Variants in TICRR observed in about 807,000 individuals in gnomAD.
The protein encoded by TICRR is treslin.
TICRR carries 132 observed loss-of-function variants against 178.1 expected under a neutral mutation model. The observed-to-expected ratio is 0.74, with a 90% CI of 0.64 to 0.86. The LOEUF (loss-of-function observed/expected upper bound fraction) is 0.86, where lower values mean the gene tolerates loss of function less well. Ranked by LOEUF, TICRR falls within the 40% of genes least tolerant of loss-of-function variation. The pLI is 0.00. For synonymous variants in TICRR, 991 were observed against 900.7 expected (o/e 1.10, Z -1.79); for missense variants, 2,587 against 2,334.3 (o/e 1.11, Z -2.23).
At position 89,575,574 on chromosome 15, in the gene TICRR, C is replaced by G. The variant is rs1962594388; in HGVS notation, c.-13C>G. On this transcript the variant is annotated 5_prime_UTR_variant, in exon 1 of 22. Transcript: ENST00000268138. ...GGCCCGGACCGGGGCCCCGGGGCGGCGGCACGGCCGATATGGCATGCTGTC... is the reference window on the plus strand; with the variant it reads ...GGCCCGGACCGGGGCCCCGGGGCGGGGGCACGGCCGATATGGCATGCTGTC... 6.9e-7 allele frequency: 1 copy of G among 1,454,382 alleles called. No homozygotes were observed. The highest frequency in any genetic ancestry group is 9.0e-7 in the Non-Finnish European group (1 of 1,111,202). The allele number at this position is 1,454,382 out of a possible 1,614,324, so 90.1% of individuals were successfully genotyped here.
intron 15 of TICRR, 69 bp downstream of exon 15, chr15:89,609,018 CTT>C: frequency 7.5e-7 from 1 of 1,333,166 alleles, no homozygotes; most frequent in African/African-American, 1.6e-5. Context: ...AATGTACCGT[CTT>C]TCTTTCCTGA....
chr15:89,596,871 ATAAC>A (rs1963006749), intron 7 of TICRR, among the ~76,000 whole-genome samples: 1 of 152,222 alleles, frequency 6.6e-6, no homozygotes, highest in Non-Finnish European at 1.5e-5. Flanking sequence ...CTCTTTAAGT[ATAAC>A]TAACTGCATT....
chr15:89,625,268 C>T lies in TICRR; in HGVS notation c.4958C>T (p.Pro1653Leu), dbSNP rs1963499617. 6.2e-7 allele frequency: 1 copy of T among 1,613,706 alleles called. No individual in the cohort carries two copies. The highest frequency in any genetic ancestry group is 8.5e-7 in the Non-Finnish European group (1 of 1,179,652). ...ICQACTPTHG[P>L]SSTPSPFQTD... ...CAGGCCTGTACCCCCACCCACGGCCCTTCTAGTACCCCCTCTCCATTTCAA... is the reference window on the plus strand; with the variant it reads ...CAGGCCTGTACCCCCACCCACGGCCTTTCTAGTACCCCCTCTCCATTTCAA... Residue 1653 changes from proline (P) to leucine (L), a missense_variant, in exon 20 of 22, where the codon CCT (proline) becomes CTT (leucine). Coordinates refer to ENST00000268138, the MANE Select transcript of TICRR (RefSeq NM_152259.4).
intron 1 of TICRR, among the ~76,000 whole-genome samples, chr15:89,581,769 TCAGAGAAGTAGCGTGAC>T (rs1170471828): frequency 6.6e-6 from 1 of 152,184 alleles, no homozygotes. Flanking sequence ...TTTCAGAATT[TCAGAGAAGTAGCGTGAC>T]CAGAGAAGTG....
chr15:89,586,175 A>T (rs185009717), intron 4 of TICRR, among the ~76,000 whole-genome samples: 1 of 152,272 alleles, frequency 6.6e-6, no homozygotes, highest in East Asian at 1.9e-4. Context: ...ATGGTTTTTA[A>T]TATATTTAAG....
intron 4 of TICRR, among the ~76,000 whole-genome samples, chr15:89,586,940 GA>G (rs569101390): frequency 2.9e-4 from 44 of 152,294 alleles, no homozygotes; most frequent in African/African-American, 1.1e-3. Context: ...GACACCATCT[GA>G]CTTATGTTTT....
At position 89,575,733 on chromosome 15, in the gene TICRR, C is replaced by T. The variant is rs749010889; in HGVS notation, c.147C>T (p.Phe49=). The stretch of plus-strand genomic sequence containing the variant: ...CCAGGGTCCACTGGGCCTTCAAGTT[C>T]TTTGACTCGCAGGGGGCGCGGAGCC... The part of the protein sequence containing the change: ...GLARVHWAFK[F]FDSQGARSRP... The change falls in exon 1 of 22, where the codon TTC becomes TTT. Residue 49 remains phenylalanine (F), a synonymous_variant. Transcript: ENST00000268138. The T allele has an allele frequency of 6.8e-6, 11 of 1,610,330 alleles. No homozygotes were observed. In the East Asian group the frequency reaches 2.5e-4, roughly 36 times the overall value.
rs1208743085 is a variant in TICRR, at chr15:89,625,999, T to C, written c.5540T>C (p.Leu1847Pro). The part of the protein sequence containing the change: ...SCLSASALQA[L>P]TQSPLLFQGK... ...CTCTCTGCCAGTGCCCTCCAGGCTC[T>C]GACCCAGTCTCCGCTGCTGTTCCAG... Residue 1847 changes from leucine to proline, a missense_variant, in exon 21 of 22, where the codon CTG (leucine) becomes CCG (proline). Physicochemically the swap from Leu to Pro is moderately conservative, Grantham distance 98. Coordinates refer to ENST00000268138, the MANE Select transcript of TICRR (RefSeq NM_152259.4). 6.2e-7 allele frequency: 1 copy of C among 1,611,844 alleles called. No individual in the cohort carries two copies. Among genetic ancestry groups the C allele is most frequent in the Non-Finnish European group, 8.5e-7 (1 of 1,178,892 alleles).
At chr15:89,609,232 T>G (rs1465478845) in intron 15 of TICRR, among the ~76,000 whole-genome samples, 1 of 146,364 alleles carries the variant, frequency 6.8e-6, no homozygotes, top group Non-Finnish European at 1.5e-5. Flanking sequence ...CACCTCAGCC[T>G]CCTGAGTAGC....
Position 89,624,152 on chromosome 15 carries a change from C to T in TICRR, c.3842C>T (p.Ala1281Val). ...AGAGCTGCTCGGGCAGAGGAACCAGCCCAGAAACTAAAGGATAAAGCTATC... is the reference window on the plus strand; with the variant it reads ...AGAGCTGCTCGGGCAGAGGAACCAGTCCAGAAACTAAAGGATAAAGCTATC... The part of the protein sequence containing the change: ...VLRAARAEEP[A>V]QKLKDKAIKT... The change falls in exon 20 of 22, where the codon GCC (alanine) becomes GTC (valine). Residue 1281 changes from alanine to valine, a missense_variant. Physicochemically the swap from Ala to Val is moderately conservative, Grantham distance 64. Coordinates refer to ENST00000268138, the MANE Select transcript of TICRR (RefSeq NM_152259.4). The T allele has an allele frequency of 1.2e-6, 2 of 1,613,944 alleles. No individual in the cohort carries two copies. The highest frequency in any genetic ancestry group is 1.7e-6 in the Non-Finnish European group (2 of 1,180,012).
Position 89,623,781 on chromosome 15 carries a change from A to C in TICRR, c.3471A>C (p.Leu1157Phe), listed in dbSNP as rs1963462932. 6.2e-7 allele frequency: 1 copy of C among 1,613,970 alleles called. No individual in the cohort carries two copies. Among genetic ancestry groups the C allele is most frequent in the Non-Finnish European group, 8.5e-7 (1 of 1,179,964 alleles). Residue 1157 changes from leucine to phenylalanine, a missense_variant, in exon 20 of 22, where the codon TTA (leucine) becomes TTC (phenylalanine). Transcript: ENST00000268138. ...AGCAGGCAGCTTTTAAGGAGTCCTT[A>C]AAAGACTCCTCCTCACCCGGCCATG... ...PTKQAAFKES[L>F]KDSSSPGHDS...
intron 17 of TICRR, 105 bp downstream of exon 17, chr15:89,618,315 T>C: frequency 9.6e-7 from 1 of 1,047,018 alleles, no homozygotes; most frequent in Non-Finnish European, 1.5e-6. Flanking sequence ...TTACAGAAAT[T>C]GTGATGGCTC....
Position 89,601,854 on chromosome 15 carries a change from A to C in TICRR, c.2445A>C (p.Thr815=), listed in dbSNP as rs1300710141. ...ATTTTTTCAGTGATGACTCCATGACACAAGAGAACAAATCACCACTTCTTT... is the reference window on the plus strand; with the variant it reads ...ATTTTTTCAGTGATGACTCCATGACCCAAGAGAACAAATCACCACTTCTTT... ...PTDFFSDDSM[T]QENKSPLLSV... The change falls in exon 12 of 22, where the codon ACA becomes ACC. Residue 815 remains threonine, a synonymous_variant. Coordinates refer to ENST00000268138, the MANE Select transcript of TICRR (RefSeq NM_152259.4). 1.2e-6 allele frequency: 2 copies of C among 1,614,144 alleles called. No homozygotes were observed. Among genetic ancestry groups the C allele is most frequent in the Non-Finnish European group, 1.7e-6 (2 of 1,180,010 alleles).
chr15:89,599,585 C>A, intron 8 of TICRR, 110 bp downstream of exon 8: 1 of 1,104,440 alleles, frequency 9.1e-7, no homozygotes, highest in Non-Finnish European at 1.3e-6. Context: ...ATATGTGATT[C>A]AAAAATGGTA....
chr15:89,584,003 TATTTCTAAGTCATA>T (rs1219869193), intron 2 of TICRR, among the ~76,000 whole-genome samples: 1 of 152,184 alleles, frequency 6.6e-6, no homozygotes, highest in Non-Finnish European at 1.5e-5. Context: ...TACTTATACT[TATTTCTAAGTCATA>T]ATTTCTGAGA....
In TICRR at chr15:89,576,114, C is replaced by T; in HGVS notation, c.528C>T (p.Ala176=). 1 of 1,611,048 alleles carries T rather than the reference C, an allele frequency of 6.2e-7. No homozygotes were observed. The highest frequency in any genetic ancestry group is 2.2e-5 in the East Asian group (1 of 44,864). ...TGCAGTTCGTGTCTGGGTGCGAGGC[C>T]CAGGCCCAGCGCCTGCCGCCCACCC... The part of the protein sequence containing the change: ...ELLQFVSGCE[A]QAQRLPPTPK... Residue 176 remains alanine (A), a synonymous_variant, in exon 1 of 22, where the codon GCC becomes GCT. Coordinates refer to ENST00000268138, the MANE Select transcript of TICRR (RefSeq NM_152259.4).
chr15:89,596,770 A>G (rs1296009126), intron 7 of TICRR, among the ~76,000 whole-genome samples: 1 of 152,134 alleles, frequency 6.6e-6, no homozygotes, highest in African/African-American at 2.4e-5. Context: ...ACTCTCTCAT[A>G]TTACTTCACG....
chr15:89,593,642 G>A (rs1567042892), intron 5 of TICRR, among the ~76,000 whole-genome samples: 3 of 152,162 alleles, frequency 2.0e-5, no homozygotes, highest in African/African-American at 2.4e-5. Context: ...GGACGCGGAG[G>A]TTGCAGCCAG....
At chr15:89,600,862 T>C (rs1018100737) in intron 9 of TICRR, among the ~76,000 whole-genome samples, 177 bp downstream of exon 9, 9 of 152,072 alleles carry the variant, frequency 5.9e-5, no homozygotes, top group Admixed American at 4.6e-4. Context: ...CTGGGCAATA[T>C]AGTGAGACCG....
Sources: allele counts gnomAD v4.1 joint callset (sites outside exome capture counted in the v4.1 genomes callset), GRCh38; gene constraint gnomAD v4.1.1; transcripts MANE v1.5; gene names NCBI Gene and HGNC (gene_info 2026-07-23, HGNC 2026-07-21).